Variants in CHST9 observed in about 807,000 individuals in gnomAD.
CHST9 encodes the protein carbohydrate sulfotransferase 9.
Under a neutral mutation model 44.4 loss-of-function variants are expected in CHST9, and 41 were observed. That is an observed-to-expected ratio of 0.92 (90% CI 0.72 to 1.20). The LOEUF is 1.20. Ranked by LOEUF, CHST9 falls within the 50% of genes most tolerant of loss-of-function variation. The pLI is 0.00. For missense variants in CHST9, 504 were observed against 516.5 expected (o/e 0.98, Z 0.23); for synonymous variants, 171 against 178.4 (o/e 0.96, Z 0.33).
chr18:26,977,183 C>A (rs2056633454), intron 4 of CHST9, among the ~76,000 whole-genome samples: 1 of 151,850 alleles, frequency 6.6e-6, no homozygotes, highest in South Asian at 2.1e-4. Flanking sequence ...ATATATAAAG[C>A]CTTTTAATTT....
intron 1 of CHST9, among the ~76,000 whole-genome samples, chr18:27,174,625 T>C (rs543861834): frequency 6.6e-6 from 1 of 152,042 alleles, no homozygotes; most frequent in African/African-American, 2.4e-5. Context: ...GCAGATGACT[T>C]TTTTATTATT....
chr18:26,914,385 T>C lies in CHST9; in HGVS notation c.*1874A>G, dbSNP rs1407144943. 1 of 152,236 alleles carries C rather than the reference T, an allele frequency of 6.6e-6. No individual in the cohort carries two copies. The highest frequency in any genetic ancestry group is 2.4e-5 in the African/African-American group (1 of 41,470). 9.4% of individuals were successfully genotyped at this position (152,236 alleles called of 1,614,324 possible). Reference sequence around the variant, plus strand: ...GTTTCTTAGGAATAAAATTTCAGGCTTCTGGAATATTTTTTATTTTCTCTC... The same window carrying C: ...GTTTCTTAGGAATAAAATTTCAGGCCTCTGGAATATTTTTTATTTTCTCTC... On this transcript the variant is annotated 3_prime_UTR_variant, in exon 6 of 6. Transcript: ENST00000618847.
chr18:27,108,867 GGTGGA>G (rs767165707), intron 2 of CHST9, among the ~76,000 whole-genome samples: 4 of 152,064 alleles, frequency 2.6e-5, no homozygotes, highest in African/African-American at 4.8e-5. Flanking sequence ...CAGGACAGAG[GGTGGA>G]GTGAACTGAA....
chr18:27,096,068 A>G (rs149366585), intron 2 of CHST9, among the ~76,000 whole-genome samples: 2 of 152,236 alleles, frequency 1.3e-5, no homozygotes, highest in East Asian at 3.9e-4. Context: ...CAAAAAATAG[A>G]AATCATACCA....
chr18:27,057,701 C>T (rs773109240), intron 2 of CHST9, among the ~76,000 whole-genome samples: 2 of 152,214 alleles, frequency 1.3e-5, no homozygotes, highest in South Asian at 4.1e-4. Context: ...CTTCTGAGGT[C>T]GGCCATCTGC....
chr18:27,142,796 T>G lies in CHST9; in HGVS notation c.14A>C (p.Glu5Ala). 1.2e-6 allele frequency: 2 copies of G among 1,607,486 alleles called. No individual in the cohort carries two copies. The highest frequency in any genetic ancestry group is 1.7e-6 in the Non-Finnish European group (2 of 1,177,654). The change falls in exon 2 of 6, where the codon GAA becomes GCA. Residue 5 changes from glutamate to alanine, a missense_variant. Glu to Ala is a moderately radical substitution (Grantham distance 107, BLOSUM62 -1). Transcript: ENST00000618847. MQPS[E>A]MVMNPKQVFL... ...GACTTGTTTGGGGTTCATGACCATT[T>G]CAGATGGCTGCATTTCTCCTTATTT...
At chr18:27,038,315 G>A (rs2057410473) in intron 3 of CHST9, among the ~76,000 whole-genome samples, 1 of 152,170 alleles carries the variant, frequency 6.6e-6, no homozygotes, top group Non-Finnish European at 1.5e-5. Flanking sequence ...GGAGGCTGAG[G>A]TGGGCAGATC....
At chr18:26,960,819 C>A (rs941260303) in intron 4 of CHST9, among the ~76,000 whole-genome samples, 5 of 152,160 alleles carry the variant, frequency 3.3e-5, no homozygotes, top group Admixed American at 2.0e-4. Context: ...AGGCATGAAC[C>A]ACTATGCCAG....
intron 2 of CHST9, among the ~76,000 whole-genome samples, chr18:27,131,232 A>AG (rs150459776): frequency 0.026 from 3,982 of 152,270 alleles, 161 homozygotes; most frequent in African/African-American, 0.087. Context: ...CTCCTGGCCC[A>AG]GGGACCCCAG....
Position 26,909,238 on chromosome 18 carries a change from T to C in CHST9, c.*7021A>G, listed in dbSNP as rs2055408147. 1 of 152,162 alleles carries C rather than the reference T, an allele frequency of 6.6e-6. No homozygotes were observed. Among genetic ancestry groups the C allele is most frequent in the Admixed American group, 6.5e-5 (1 of 15,282 alleles). The allele number at this position is 152,162 out of a possible 1,614,324, so 9.4% of individuals were successfully genotyped here. A position where few individuals can be genotyped will look rare whatever the true frequency, so the allele number is the denominator to read the frequency against. On this transcript the variant is annotated 3_prime_UTR_variant, in exon 6 of 6. Transcript: ENST00000618847. ...GACAATTCTCTGAGCTGAGAGTTGT[T>C]AACTTTTCAACACAGTGACAGAATG...
At chr18:27,145,698 G>A (rs184121128) in intron 1 of CHST9, among the ~76,000 whole-genome samples, 1 of 152,284 alleles carries the variant, frequency 6.6e-6, no homozygotes, top group Admixed American at 6.5e-5. Flanking sequence ...TAGAAGAGCC[G>A]AGAGTATTAT....
At chr18:27,024,585 T>C (rs2057263157) in intron 3 of CHST9, among the ~76,000 whole-genome samples, 1 of 152,204 alleles carries the variant, frequency 6.6e-6, no homozygotes, top group African/African-American at 2.4e-5. Flanking sequence ...TAAAATTGAG[T>C]ACTTGGGCTC....
At chr18:27,132,843 G>T (rs528055809) in intron 2 of CHST9, among the ~76,000 whole-genome samples, 2 of 152,132 alleles carry the variant, frequency 1.3e-5, no homozygotes, top group Non-Finnish European at 2.9e-5. Context: ...ATTTGCTGGG[G>T]CTCCCTTTAT....
intron 2 of CHST9, among the ~76,000 whole-genome samples, chr18:27,139,764 A>G (rs1480767523): frequency 1.3e-5 from 2 of 152,178 alleles, no homozygotes. Context: ...AATTACAAAT[A>G]AAATTTAAGA....
rs181719082 is a variant in CHST9 at position 26,962,746 on chromosome 18, C to T, written c.203-18380G>A. On this transcript the variant is annotated intron_variant, in intron 4 of 5. Transcript: ENST00000618847. ...GAGTAAAGGCTGGTGGCATCACCAT[C>T]GCCTGGGGTAGTTTGCTTATCACCT... is the stretch of plus-strand genomic sequence containing the variant. Among the ~76,000 whole-genome samples, 6 of 152,234 alleles carry T rather than the reference C, an allele frequency of 3.9e-5. No individual in the cohort carries two copies. The East Asian group carries it at 7.7e-4, about 20-fold the overall frequency.
intron 5 of CHST9, chr18:26,935,498 C>G (rs2055972168): frequency 6.6e-6 from 1 of 152,152 alleles, no homozygotes. Context: ...CTAATAAAAT[C>G]TATTTTGTTT....
At chr18:27,156,325 T>C (rs10502486) in intron 1 of CHST9, among the ~76,000 whole-genome samples, 48,349 of 151,902 alleles carry the variant, frequency 0.32, 8,332 homozygotes, top group Non-Finnish European at 0.39. Context: ...AAAGAAGAAG[T>C]GTATGTGAGA....
At chr18:27,046,839 T>C (rs977516185) in intron 3 of CHST9, among the ~76,000 whole-genome samples, 13 of 152,036 alleles carry the variant, frequency 8.6e-5, no homozygotes, top group Admixed American at 4.6e-4. Flanking sequence ...CACCCTCTCA[T>C]AGAAATCAGG....
In CHST9 at chr18:27,128,889, C is replaced by T. The variant is rs566185289; in HGVS notation, c.121+13800G>A. On this transcript the variant is annotated intron_variant, in intron 2 of 5. Coordinates refer to ENST00000618847, the MANE Select transcript of CHST9 (RefSeq NM_031422.6). ...GATACATTGTGAATCATGGATAAAC[C>T]GTTGGCTGCTCTGTCTTTTTGGAAT... Among the ~76,000 whole-genome samples the T allele has an allele frequency of 2.6e-5, 4 of 152,260 alleles. No individual in the cohort carries two copies. In the South Asian group the frequency reaches 8.3e-4, roughly 32 times the overall value.
Sources: allele counts gnomAD v4.1 joint callset (sites outside exome capture counted in the v4.1 genomes callset), GRCh38; gene constraint gnomAD v4.1.1; transcripts MANE v1.5; gene names NCBI Gene and HGNC (gene_info 2026-07-23, HGNC 2026-07-21).